The following TLK1 variants were observed in gnomAD, a reference collection of about 807,000 sequenced individuals.
The protein encoded by TLK1 is serine/threonine-protein kinase tousled-like 1.
In TLK1, 24 loss-of-function variants were observed where a neutral mutation model predicts 105.3. The observed-to-expected ratio is 0.23, with a 90% CI of 0.17 to 0.32. TLK1 has a LOEUF of 0.32. TLK1 is among the 10% of genes least tolerant of loss of function. The pLI is 1.00. For synonymous variants in TLK1, 321 were observed against 310.4 expected, an observed-to-expected ratio of 1.03 and a Z score of -0.36; for missense variants, 558 against 910.5, an observed-to-expected ratio of 0.61 and a Z score of 4.98.
chr2:171,033,051 C>T (rs994279550), intron 11 of TLK1, among the ~76,000 whole-genome samples: 2 of 151,968 alleles, frequency 1.3e-5, no homozygotes, highest in African/African-American at 4.8e-5. Flanking sequence ...ACTAAAAATA[C>T]AAAAATTAGC....
rs932744680 is a variant in TLK1, at chr2:171,077,100, G to A, written c.330+5681C>T. On this transcript the variant is annotated intron_variant, in intron 3 of 20. Coordinates refer to ENST00000431350, the MANE Select transcript of TLK1 (RefSeq NM_012290.5). ...TGGCCCTGGTAAACTCTCTTCTCTG[G>A]TCCTCTGATAAAATTTTTATCAGTC... Among the ~76,000 whole-genome samples the A allele has an allele frequency of 3.9e-5, 6 of 152,026 alleles. No individual in the cohort carries two copies. The East Asian group carries it at 9.6e-4, about 24-fold the overall frequency.
intron 5 of TLK1, among the ~76,000 whole-genome samples, chr2:171,057,467 T>C (rs973296204): frequency 1.3e-5 from 2 of 152,040 alleles, no homozygotes; most frequent in Admixed American, 1.3e-4. Context: ...TCTTAATTAA[T>C]GATATCAGTA....
chr2:171,000,584 C>T (rs1684316194), intron 18 of TLK1, among the ~76,000 whole-genome samples: 1 of 151,842 alleles, frequency 6.6e-6, no homozygotes, highest in Admixed American at 6.6e-5. Flanking sequence ...TGGATTATGA[C>T]AAAAGTTTTC....
At chr2:171,141,056 A>T (rs1691552589) in intron 1 of TLK1, among the ~76,000 whole-genome samples, 3 of 152,372 alleles carry the variant, frequency 2.0e-5, no homozygotes, top group African/African-American at 7.2e-5. Flanking sequence ...ATATATCTTT[A>T]AAAATGCACA....
intron 1 of TLK1, among the ~76,000 whole-genome samples, chr2:171,134,978 C>G (rs1691248191): frequency 6.6e-6 from 1 of 151,946 alleles, no homozygotes; most frequent in African/African-American, 2.4e-5. Context: ...TAAAATAAGC[C>G]AGGCACAGAA....
chr2:171,024,329 A>G (rs1320107881), intron 12 of TLK1, among the ~76,000 whole-genome samples: 1 of 152,194 alleles, frequency 6.6e-6, no homozygotes, highest in Non-Finnish European at 1.5e-5. Flanking sequence ...AAATCAATAT[A>G]TTAGTTAATA....
At chr2:171,125,268 G>A (rs1690820581) in intron 1 of TLK1, among the ~76,000 whole-genome samples, 1 of 152,040 alleles carries the variant, frequency 6.6e-6, no homozygotes, top group South Asian at 2.1e-4. Flanking sequence ...CCTCAGAGTT[G>A]GACATAGTGT....
chr2:171,183,578 T>C (rs1692967269), intron 1 of TLK1, among the ~76,000 whole-genome samples: 1 of 152,326 alleles, frequency 6.6e-6, no homozygotes, highest in Admixed American at 6.5e-5. Flanking sequence ...TATATATGTA[T>C]ATGTTGCAAA....
In TLK1 at chr2:171,015,284, AAATTT is replaced by A. The variant is rs561495373; in HGVS notation, c.1237-341_1237-337del. On this transcript the variant is annotated intron_variant, in intron 12 of 20. Transcript: ENST00000431350. ...AAAATGAGCCATTTCTAGTCCATGC[AAATTT>A]TAATTTAAGAAGGAATAATTTACTA... Among the ~76,000 whole-genome samples the A allele has an allele frequency of 4.2e-5, 6 of 143,460 alleles. No individual in the cohort carries two copies. In the South Asian group the frequency reaches 1.3e-3, roughly 31 times the overall value. 94.1% of individuals were successfully genotyped at this position (143,460 alleles called of 152,430 possible). A position where few individuals can be genotyped will look rare whatever the true frequency, so the allele number is the denominator to read the frequency against.
intron 11 of TLK1, among the ~76,000 whole-genome samples, chr2:171,037,491 A>T (rs1434909403): frequency 6.6e-6 from 1 of 151,740 alleles, no homozygotes; most frequent in African/African-American, 2.4e-5. Flanking sequence ...CAGCATGGAG[A>T]TACTCAAGCA....
intron 1 of TLK1, among the ~76,000 whole-genome samples, chr2:171,143,540 A>G (rs1014483632): frequency 9.9e-4 from 98 of 98,590 alleles, no homozygotes; most frequent in Admixed American, 1.4e-3. Flanking sequence ...AAAAAAAAAA[A>G]AAAAAAAAAA....
At chr2:171,168,809 A>G (rs901635361) in intron 1 of TLK1, among the ~76,000 whole-genome samples, 1 of 151,928 alleles carries the variant, frequency 6.6e-6, no homozygotes, top group African/African-American at 2.4e-5. Flanking sequence ...CTCAGGGTGC[A>G]GTGGCTCATG....
chr2:171,138,893 A>G (rs1005917036), intron 1 of TLK1, among the ~76,000 whole-genome samples: 2 of 152,226 alleles, frequency 1.3e-5, no homozygotes, highest in Non-Finnish European at 2.9e-5. Context: ...CCACAAAGAC[A>G]TTCATATTTT....
intron 18 of TLK1, among the ~76,000 whole-genome samples, chr2:171,000,190 A>C (rs565364449): frequency 5.1e-4 from 77 of 152,174 alleles, no homozygotes; most frequent in African/African-American, 1.6e-3. Flanking sequence ...AGCCTGGCCA[A>C]CATGGTGAAA....
At chr2:171,071,866 C>T (rs896359297) in intron 3 of TLK1, among the ~76,000 whole-genome samples, 1 of 152,224 alleles carries the variant, frequency 6.6e-6, no homozygotes, top group South Asian at 2.1e-4. Flanking sequence ...GTTCTTGGCA[C>T]CTTTGTCAAA....
intron 2 of TLK1, among the ~76,000 whole-genome samples, chr2:171,103,512 G>T (rs2105508721): frequency 6.6e-6 from 1 of 152,068 alleles, no homozygotes; most frequent in Non-Finnish European, 1.5e-5. Flanking sequence ...AAAGTGGTGG[G>T]ATTACAGGCA....
chr2:171,004,513 T>A (rs1221008444), intron 18 of TLK1, among the ~76,000 whole-genome samples: 1 of 152,230 alleles, frequency 6.6e-6, no homozygotes, highest in African/African-American at 2.4e-5. Context: ...TATAGAACAA[T>A]GCCATTATTG....
Position 171,175,153 on chromosome 2 carries a change from A to C in TLK1, c.-6+55992T>G, listed in dbSNP as rs188856694. 3.6e-3 allele frequency among the ~76,000 whole-genome samples: 554 copies of C among 152,270 alleles called. 6 individuals carry two copies. The highest frequency in any genetic ancestry group is 0.012 in the African/African-American group (513 of 41,562). ...GAGGCTGATGTGAGAGGATTGCTTG[A>C]GCCCAGGAGGTCAAGGCTGCAGTGA... On this transcript the variant is annotated intron_variant, in intron 1 of 20. Transcript: ENST00000521943.
At chr2:171,203,168 A>T (rs1201253138) in intron 1 of TLK1, among the ~76,000 whole-genome samples, 1 of 152,230 alleles carries the variant, frequency 6.6e-6, no homozygotes, top group Non-Finnish European at 1.5e-5. Flanking sequence ...ATAATTTTTA[A>T]AAAATGTTTA....
Sources: allele counts gnomAD v4.1 joint callset (sites outside exome capture counted in the v4.1 genomes callset), GRCh38; gene constraint gnomAD v4.1.1; transcripts MANE v1.5; gene names NCBI Gene and HGNC (gene_info 2026-07-23, HGNC 2026-07-21).